The following DNMBP variants were observed in gnomAD, a reference collection of about 807,000 sequenced individuals.
The protein encoded by DNMBP is dynamin binding protein.
DNMBP carries 87 observed loss-of-function variants against 150.0 expected under a neutral mutation model. The ratio of observed to expected loss-of-function variants is 0.58; its 90% CI spans 0.49 to 0.69. The LOEUF (loss-of-function observed/expected upper bound fraction) is 0.69. Ranked by LOEUF, DNMBP falls within the 30% of genes least tolerant of loss-of-function variation. The probability of loss-of-function intolerance (pLI) is 0.00; values close to 1 mark genes in which losing one functional copy is unlikely to be tolerated. For missense variants in DNMBP, 1,774 were observed against 1,949.0 expected, an observed-to-expected ratio of 0.91 and a Z score of 1.69; for synonymous variants, 711 against 750.4, an observed-to-expected ratio of 0.95 and a Z score of 0.86.
intron 4 of DNMBP, among the ~76,000 whole-genome samples, chr10:99,936,276 A>C (rs1363804348): frequency 6.6e-6 from 1 of 152,114 alleles, no homozygotes; most frequent in African/African-American, 2.4e-5. Flanking sequence ...CTTTACCTCA[A>C]CTTCTTCTAC....
intron 11 of DNMBP, among the ~76,000 whole-genome samples, chr10:99,891,502 T>C (rs1227207440): frequency 1.3e-5 from 2 of 151,974 alleles, no homozygotes; most frequent in Non-Finnish European, 2.9e-5. Flanking sequence ...TGGAGTGCAG[T>C]GGCGTGATCT....
At chr10:99,987,428 T>C (rs912424230) in intron 1 of DNMBP, among the ~76,000 whole-genome samples, 1 of 151,980 alleles carries the variant, frequency 6.6e-6, no homozygotes, top group Non-Finnish European at 1.5e-5. Flanking sequence ...TGGGATAAGA[T>C]AAGAGTAGCT....
chr10:99,948,208 C>T lies in DNMBP; in HGVS notation c.2260+7006G>A, dbSNP rs536259619. Among the ~76,000 whole-genome samples, 65 of 152,212 alleles carry T rather than the reference C, an allele frequency of 4.3e-4. 2 individuals carry two copies. The highest frequency in any genetic ancestry group is 1.6e-3 in the African/African-American group (65 of 41,548). On this transcript the variant is annotated intron_variant, in intron 4 of 16. Coordinates refer to ENST00000324109, the MANE Select transcript of DNMBP (RefSeq NM_015221.4). ...GACATTGTGGCTCACAACAACAAAC[C>T]GTGCATTTATCATACACAAATATAA...
intron 1 of DNMBP, among the ~76,000 whole-genome samples, chr10:99,997,305 C>T (rs560147895): frequency 2.0e-4 from 30 of 152,322 alleles, no homozygotes; most frequent in Non-Finnish European, 2.2e-4. Flanking sequence ...CGAAAATGCC[C>T]TTCCACATAG....
intron 4 of DNMBP, among the ~76,000 whole-genome samples, chr10:99,911,185 A>G (rs2039894563): frequency 6.6e-6 from 1 of 152,080 alleles, no homozygotes; most frequent in Non-Finnish European, 1.5e-5. Context: ...AGGTTGCAGT[A>G]AGCTGAGATT....
At chr10:100,005,796 A>G (rs2041064541) in intron 1 of DNMBP, among the ~76,000 whole-genome samples, 1 of 150,964 alleles carries the variant, frequency 6.6e-6, no homozygotes, top group Non-Finnish European at 1.5e-5. Flanking sequence ...CAAACTACAT[A>G]AAGGAAAATG....
intron 11 of DNMBP, among the ~76,000 whole-genome samples, chr10:99,892,206 TCCGGGAGGTGAGGGGCGCCTCTGCCC>T (rs2039581845): frequency 6.7e-6 from 1 of 148,788 alleles, no homozygotes; most frequent in East Asian, 2.0e-4. Context: ...AGCCGCCCCG[TCCGGGAGGTGAGGGGCGCCTCTGCCC>T]GGCCACCACC....
Position 99,955,756 on chromosome 10 carries a change from A to G in DNMBP, c.1718T>C (p.Ile573Thr), listed in dbSNP as rs1197711904. ...GTCCATGATTGAAAAGTGGCGTAAAATTTTATCTGGCTCTGTGCCGGGCCC... is the reference window on the plus strand; with the variant it reads ...GTCCATGATTGAAAAGTGGCGTAAAGTTTTATCTGGCTCTGTGCCGGGCCC... Reference protein sequence around the residue: ...LAGPGTEPDKILRHFSIMDFN... With the variant: ...LAGPGTEPDKTLRHFSIMDFN... Residue 573 changes from isoleucine to threonine, a missense_variant, in exon 4 of 17, where the codon ATT becomes ACT. Ile to Thr is a moderately conservative substitution (Grantham distance 89). This residue lies in a region of DNMBP where 1,430 missense variants were observed against 1,492.5 expected (regional missense o/e 0.96). Transcript: ENST00000324109. 38 of 1,614,038 alleles carry G rather than the reference A, an allele frequency of 2.4e-5. No individual in the cohort carries two copies. The highest frequency in any genetic ancestry group is 3.1e-5 in the Non-Finnish European group (37 of 1,180,040).
chr10:99,972,304 C>T (rs193272828), intron 1 of DNMBP, among the ~76,000 whole-genome samples, 170 bp from the exon 2 acceptor site: 31 of 152,114 alleles, frequency 2.0e-4, no homozygotes, highest in Admixed American at 5.2e-4. Flanking sequence ...GGTCTCACTC[C>T]CATCGCCCAG....
intron 1 of DNMBP, among the ~76,000 whole-genome samples, chr10:99,984,468 G>C (rs1431761353): frequency 1.3e-5 from 2 of 152,216 alleles, no homozygotes; most frequent in African/African-American, 4.8e-5. Context: ...CAGACGTGCA[G>C]ATTAAGTGAA....
chr10:100,005,927 A>C (rs2041065803), intron 1 of DNMBP, among the ~76,000 whole-genome samples: 1 of 152,238 alleles, frequency 6.6e-6, no homozygotes, highest in South Asian at 2.1e-4. Flanking sequence ...GTGAGACATG[A>C]GATGAATGGG....
At chr10:99,899,850 G>A in intron 7 of DNMBP, 69 bp downstream of exon 7, 2 of 1,500,396 alleles carry the variant, frequency 1.3e-6, no homozygotes, top group Non-Finnish European at 1.9e-6. Context: ...ATCAAGTCCA[G>A]GCATATACAC....
chr10:99,951,703 T>C (rs1170506722), intron 4 of DNMBP, among the ~76,000 whole-genome samples: 3 of 152,240 alleles, frequency 2.0e-5, no homozygotes, highest in African/African-American at 4.8e-5. Context: ...TTGGAATGGC[T>C]GTATTTACCC....
intron 1 of DNMBP, among the ~76,000 whole-genome samples, chr10:99,990,754 C>T (rs142715506): frequency 0.049 from 5,183 of 105,126 alleles, 94 homozygotes; most frequent in South Asian, 0.11. Context: ...CATGTATATA[C>T]ACATATATAC....
chr10:99,973,891 G>T (rs994479535), intron 1 of DNMBP, among the ~76,000 whole-genome samples: 1 of 152,130 alleles, frequency 6.6e-6, no homozygotes, highest in African/African-American at 2.4e-5. Flanking sequence ...TGAGGCAGGA[G>T]AATCACTTGA....
chr10:100,004,724 G>A (rs1176741928), intron 1 of DNMBP, among the ~76,000 whole-genome samples: 4 of 152,036 alleles, frequency 2.6e-5, no homozygotes, highest in South Asian at 4.1e-4. Flanking sequence ...AACATAAACC[G>A]CAAGTCAAAG....
At chr10:99,882,169 A>G (rs1325506252) in intron 15 of DNMBP, among the ~76,000 whole-genome samples, 1 of 152,148 alleles carries the variant, frequency 6.6e-6, no homozygotes, top group Non-Finnish European at 1.5e-5. Flanking sequence ...AGACAAGTTG[A>G]TCTCATAGAG....
In DNMBP at chr10:99,918,692, G is replaced by C. The variant is rs576551628; in HGVS notation, c.2261-9546C>G. Among the ~76,000 whole-genome samples, 16 of 151,032 alleles carry C rather than the reference G, an allele frequency of 1.1e-4. No homozygotes were observed. The South Asian group carries it at 3.3e-3, about 31-fold the overall frequency. On this transcript the variant is annotated intron_variant, in intron 4 of 16. Coordinates refer to ENST00000324109, the MANE Select transcript of DNMBP (RefSeq NM_015221.4). ...AACAATTATCCTGCCTTAGCCTCCC[G>C]AGTAGCTGGGATTACAGGCACCTGC...
chr10:99,920,957 G>A (rs887327118), intron 4 of DNMBP, among the ~76,000 whole-genome samples: 1 of 152,144 alleles, frequency 6.6e-6, no homozygotes. Context: ...TAGGATTACA[G>A]GTGTGAGCCA....
Sources: gnomAD v4.1 joint callset for allele counts (sites outside exome capture counted in the v4.1 genomes callset) on GRCh38, gnomAD v4.1.1 for gene constraint, gnomAD v4.1.1 regional missense constraint, MANE v1.5 for transcripts, NCBI Gene and HGNC (gene_info 2026-07-23, HGNC 2026-07-21) for gene names.